Variants in USP32 observed in about 807,000 individuals in gnomAD.
USP32 encodes ubiquitin specific peptidase 32, also known as ubiquitin carboxyl-terminal hydrolase 32.
Under a neutral mutation model 204.8 loss-of-function variants are expected in USP32, and 59 were observed. That is an observed-to-expected ratio of 0.29 (90% CI 0.23 to 0.36). USP32 has a LOEUF of 0.36. USP32 is among the 10% of genes least tolerant of loss of function. USP32 has a pLI of 1.00. For missense variants in USP32, 1,160 were observed against 1,946.4 expected (o/e 0.60, Z 7.60); for synonymous variants, 517 against 678.4 (o/e 0.76, Z 3.70).
chr17:60,184,195 G>C (rs762773736), intron 30 of USP32, among the ~76,000 whole-genome samples: 11 of 151,574 alleles, frequency 7.3e-5, no homozygotes, highest in Non-Finnish European at 1.2e-4. Context: ...GGCGCCTGTA[G>C]TCCTAGCTAC....
At chr17:60,260,727 A>G (rs546008468) in intron 9 of USP32, among the ~76,000 whole-genome samples, 97 of 152,156 alleles carry the variant, frequency 6.4e-4, no homozygotes, top group African/African-American at 2.3e-3. Context: ...AGATTTAGGA[A>G]AATTCAGAAA....
At position 60,348,089 on chromosome 17, in the gene USP32, T is replaced by C. The variant is rs560245954; in HGVS notation, c.59-2481A>G. ...GTGAGCCAAGATAGCGCCACTGCACTCCAGCCTGGGCAACAGAGCGAGACC... is the reference window on the plus strand; with the variant it reads ...GTGAGCCAAGATAGCGCCACTGCACCCCAGCCTGGGCAACAGAGCGAGACC... On this transcript the variant is annotated intron_variant, in intron 1 of 33. Transcript: ENST00000300896. Among the ~76,000 whole-genome samples the C allele has an allele frequency of 9.4e-4, 141 of 150,058 alleles. 1 individual carries two copies. The highest frequency in any genetic ancestry group is 3.3e-3 in the African/African-American group (134 of 40,720).
intron 13 of USP32, among the ~76,000 whole-genome samples, chr17:60,223,896 G>A (rs1355880719): frequency 2.0e-5 from 3 of 152,170 alleles, no homozygotes; most frequent in African/African-American, 7.2e-5. Context: ...CTAAGTGGCT[G>A]GGCTTCTACA....
intron 9 of USP32, among the ~76,000 whole-genome samples, chr17:60,260,345 A>C (rs1371826174): frequency 6.6e-6 from 1 of 151,990 alleles, no homozygotes; most frequent in Non-Finnish European, 1.5e-5. Context: ...ACATGGTGAA[A>C]CCTAGTCTCT....
At chr17:60,264,641 G>A (rs1241505665) in intron 9 of USP32, among the ~76,000 whole-genome samples, 1 of 151,960 alleles carries the variant, frequency 6.6e-6, no homozygotes, top group East Asian at 1.9e-4. Flanking sequence ...GAGATCACTG[G>A]AGGCCAGGGG....
At chr17:60,359,221 C>T (rs995017081) in intron 1 of USP32, among the ~76,000 whole-genome samples, 15 of 152,238 alleles carry the variant, frequency 9.9e-5, no homozygotes, top group Non-Finnish European at 2.2e-4. Flanking sequence ...TCCTTATAAT[C>T]ACTTATTCAA....
chr17:60,387,917 T>C (rs2089758884), intron 1 of USP32, among the ~76,000 whole-genome samples: 1 of 152,170 alleles, frequency 6.6e-6, no homozygotes, highest in Non-Finnish European at 1.5e-5. Context: ...TACTGAAATA[T>C]GATTTCTACT....
intron 11 of USP32, among the ~76,000 whole-genome samples, chr17:60,246,506 G>A (rs1023432070): frequency 6.6e-6 from 1 of 152,002 alleles, no homozygotes; most frequent in African/African-American, 2.4e-5. Flanking sequence ...ATAAACACAG[G>A]GGTGTAGATA....
In USP32 at chr17:60,236,317, G is replaced by A; in HGVS notation, c.1137-77C>T. ...CAACGCACAAAAATTATCATTAGAAGTTTTATAAGGAAAACCGCGAAACAT... is the reference window on the plus strand; with the variant it reads ...CAACGCACAAAAATTATCATTAGAAATTTTATAAGGAAAACCGCGAAACAT... On this transcript the variant is annotated intron_variant, in intron 11 of 33. Transcript: ENST00000300896. 21 of 1,266,360 alleles carry A rather than the reference G, an allele frequency of 1.7e-5. 1 individual carries two copies. The highest frequency in any genetic ancestry group is 3.8e-4 in the Middle Eastern group (2 of 5,248). The allele number at this position is 1,266,360 out of a possible 1,614,324, so 78.4% of individuals were successfully genotyped here. A position where few individuals can be genotyped will look rare whatever the true frequency, so the allele number is the denominator to read the frequency against.
intron 9 of USP32, among the ~76,000 whole-genome samples, chr17:60,258,871 A>G (rs1484465932): frequency 1.3e-5 from 2 of 152,200 alleles, no homozygotes; most frequent in African/African-American, 4.8e-5. Flanking sequence ...AATTAGTCTA[A>G]CACAGGTGAC....
intron 16 of USP32, among the ~76,000 whole-genome samples, chr17:60,218,597 C>T (rs1402521448): frequency 7.3e-5 from 11 of 151,676 alleles, no homozygotes; most frequent in Admixed American, 4.6e-4. Flanking sequence ...TAAATGGTTG[C>T]TCATGATTAT....
In USP32 at chr17:60,190,418, T is replaced by C. The variant is rs543787739; in HGVS notation, c.3642+145A>G. 3.6e-5 allele frequency: 41 copies of C among 1,148,652 alleles called. No individual in the cohort carries two copies. In the South Asian group the frequency reaches 8.0e-4, roughly 22 times the overall value. The allele number at this position is 1,148,652 out of a possible 1,614,324, so 71.2% of individuals were successfully genotyped here. Reference sequence around the variant, plus strand: ...AAATGAAAAAGCTCAAGCAAACATGTCAATATATTAGGTGCCATAGAGGAT... The same window carrying C: ...AAATGAAAAAGCTCAAGCAAACATGCCAATATATTAGGTGCCATAGAGGAT... On this transcript the variant is annotated intron_variant, in intron 29 of 33. Coordinates refer to ENST00000300896, the MANE Select transcript of USP32 (RefSeq NM_032582.4).
At chr17:60,373,778 A>C (rs990179797) in intron 1 of USP32, among the ~76,000 whole-genome samples, 2 of 152,066 alleles carry the variant, frequency 1.3e-5, no homozygotes, top group Admixed American at 6.6e-5. Context: ...TACTTCATAA[A>C]CTTTTAAATT....
At chr17:60,257,579 T>C (rs1598153511) in intron 9 of USP32, among the ~76,000 whole-genome samples, 1 of 151,990 alleles carries the variant, frequency 6.6e-6, no homozygotes, top group East Asian at 1.9e-4. Context: ...AGTCCCAAAC[T>C]CCTAGGTTCA....
intron 1 of USP32, among the ~76,000 whole-genome samples, chr17:60,361,941 G>A (rs2089215754): frequency 6.6e-6 from 1 of 152,102 alleles, no homozygotes; most frequent in South Asian, 2.1e-4. Flanking sequence ...TACTATATGT[G>A]GGTATGTGCC....
intron 2 of USP32, chr17:60,305,326 A>G (rs983123248): frequency 6.6e-6 from 1 of 152,168 alleles, no homozygotes; most frequent in African/African-American, 2.4e-5. Flanking sequence ...GAAGCATGAG[A>G]GAGAGGAGGA....
At chr17:60,264,466 G>T (rs757526443) in intron 9 of USP32, among the ~76,000 whole-genome samples, 17 of 151,208 alleles carry the variant, frequency 1.1e-4, no homozygotes, top group Non-Finnish European at 1.9e-4. Flanking sequence ...AGTGAGCCAA[G>T]ATCCCACCAC....
At chr17:60,265,694 G>A (rs1032264813) in intron 8 of USP32, among the ~76,000 whole-genome samples, 1 of 152,014 alleles carries the variant, frequency 6.6e-6, no homozygotes, top group Non-Finnish European at 1.5e-5. Context: ...TACTGCGCCC[G>A]GCCTTGCTCA....
chr17:60,349,636 A>G (rs1489927392), intron 1 of USP32, among the ~76,000 whole-genome samples: 2 of 109,702 alleles, frequency 1.8e-5, no homozygotes, highest in African/African-American at 1.1e-4. Flanking sequence ...ATATATATAT[A>G]TATATATTAT....
Sources: gnomAD v4.1 joint callset for allele counts (sites outside exome capture counted in the v4.1 genomes callset) on GRCh38, gnomAD v4.1.1 for gene constraint, MANE v1.5 for transcripts, NCBI Gene and HGNC (gene_info 2026-07-23, HGNC 2026-07-21) for gene names.